SLC6A11: variants seen among roughly 807,000 people sequenced by gnomAD.
SLC6A11 encodes solute carrier family 6 member 11, also known as sodium- and chloride-dependent GABA transporter 3.
In SLC6A11, 25 loss-of-function variants were observed where a neutral mutation model predicts 74.8. The ratio of observed to expected loss-of-function variants is 0.33; its 90% confidence interval spans 0.24 to 0.47. The LOEUF is 0.47. Ranked by LOEUF, SLC6A11 falls within the 20% of genes least tolerant of loss-of-function variation. SLC6A11 has a pLI of 1.00. For synonymous variants in SLC6A11, 330 were observed against 330.2 expected (o/e 1.00, Z 0.01); for missense variants, 574 against 837.0 (o/e 0.69, Z 3.88).
intron 4 of SLC6A11, among the ~76,000 whole-genome samples, chr3:10,836,018 A>G (rs546132829): frequency 3.9e-5 from 6 of 152,184 alleles, no homozygotes; most frequent in African/African-American, 1.4e-4. Context: ...CCCATTCACC[A>G]TTAATCTCCA....
chr3:10,927,296 GC>G (rs1208546487), intron 9 of SLC6A11, among the ~76,000 whole-genome samples: 1 of 152,194 alleles, frequency 6.6e-6, no homozygotes, highest in Admixed American at 6.5e-5. Context: ...AGGGGCTGGG[GC>G]CCCGGCTCGG....
At chr3:10,905,129 T>G (rs973116140) in intron 6 of SLC6A11, among the ~76,000 whole-genome samples, 1 of 152,230 alleles carries the variant, frequency 6.6e-6, no homozygotes, top group Non-Finnish European at 1.5e-5. Flanking sequence ...GCTTGTGGAA[T>G]TTTTAGTTGA....
chr3:10,908,234 A>C (rs1695335873), intron 6 of SLC6A11, among the ~76,000 whole-genome samples: 2 of 152,238 alleles, frequency 1.3e-5, no homozygotes, highest in Non-Finnish European at 2.9e-5. Context: ...GAAAAGTATA[A>C]AAAGTTTACA....
At chr3:10,933,857 T>G in intron 11 of SLC6A11, 1 of 479,350 alleles carries the variant, frequency 2.1e-6, no homozygotes, top group Non-Finnish European at 3.8e-6. Context: ...GAGAGCTCTC[T>G]CCAGTAGTGG....
intron 5 of SLC6A11, among the ~76,000 whole-genome samples, chr3:10,860,995 C>T (rs1405870100): frequency 1.3e-5 from 2 of 152,102 alleles, no homozygotes; most frequent in African/African-American, 2.4e-5. Flanking sequence ...ATTGGTGGCT[C>T]CTAAACCCAT....
intron 8 of SLC6A11, among the ~76,000 whole-genome samples, chr3:10,924,582 G>A (rs1473609562): frequency 1.3e-5 from 2 of 151,956 alleles, no homozygotes; most frequent in East Asian, 3.9e-4. Context: ...GAAAATATTT[G>A]TAATAACTCC....
intron 8 of SLC6A11, among the ~76,000 whole-genome samples, chr3:10,919,089 C>T (rs1187543210): frequency 6.6e-6 from 1 of 152,120 alleles, no homozygotes; most frequent in African/African-American, 2.4e-5. Context: ...GAGAGCACCT[C>T]TCCCTCCCTC....
intron 5 of SLC6A11, among the ~76,000 whole-genome samples, chr3:10,873,631 TGTCCTGTCCTGTCCTGTCC>T (rs1694865514): frequency 6.7e-6 from 1 of 150,208 alleles, no homozygotes; most frequent in African/African-American, 2.5e-5. Context: ...TATCCTATCC[TGTCCTGTCCTGTCCTGTCC>T]ATCTATCCCG....
At chr3:10,888,758 G>T (rs1305849148) in intron 6 of SLC6A11, among the ~76,000 whole-genome samples, 1 of 152,186 alleles carries the variant, frequency 6.6e-6, no homozygotes, top group Non-Finnish European at 1.5e-5. Flanking sequence ...GCACAAAAGA[G>T]GAACAACCAA....
intron 5 of SLC6A11, among the ~76,000 whole-genome samples, chr3:10,862,450 A>G (rs933568083): frequency 4.6e-5 from 7 of 152,186 alleles, no homozygotes; most frequent in African/African-American, 1.7e-4. Flanking sequence ...AGACTCCCTC[A>G]TCGAGTGAAT....
intron 4 of SLC6A11, among the ~76,000 whole-genome samples, chr3:10,843,777 G>A (rs1222567551): frequency 1.3e-5 from 2 of 152,164 alleles, no homozygotes; most frequent in African/African-American, 2.4e-5. Flanking sequence ...GTTTCTGGAA[G>A]CTTCTATCTG....
At chr3:10,880,720 A>G (rs977156077) in intron 6 of SLC6A11, among the ~76,000 whole-genome samples, 15 of 151,980 alleles carry the variant, frequency 9.9e-5, no homozygotes, top group African/African-American at 3.4e-4. Flanking sequence ...AGGGGGTGAA[A>G]TGAGCACTTG....
intron 7 of SLC6A11, among the ~76,000 whole-genome samples, chr3:10,912,778 C>T (rs553077559): frequency 4.9e-4 from 75 of 152,100 alleles, no homozygotes; most frequent in African/African-American, 1.7e-3. Flanking sequence ...AAGGCTGAGT[C>T]GTGGAGGGCA....
intron 5 of SLC6A11, among the ~76,000 whole-genome samples, chr3:10,852,106 A>G (rs987052392): frequency 3.3e-5 from 5 of 152,372 alleles, no homozygotes; most frequent in Non-Finnish European, 7.3e-5. Flanking sequence ...CAGGAAAGGA[A>G]CTGAGAGCGC....
chr3:10,897,696 A>G (rs1695187283), intron 6 of SLC6A11, among the ~76,000 whole-genome samples: 1 of 152,190 alleles, frequency 6.6e-6, no homozygotes, highest in Non-Finnish European at 1.5e-5. Context: ...GTTGAGTGTC[A>G]GCAACTTTTC....
intron 4 of SLC6A11, among the ~76,000 whole-genome samples, chr3:10,831,692 C>G (rs1005093848): frequency 2.0e-5 from 3 of 152,122 alleles, no homozygotes; most frequent in African/African-American, 7.2e-5. Context: ...AAACTAGGAA[C>G]ATGATTATTT....
rs149651031 is a variant in SLC6A11 at position 10,928,746 on chromosome 3, A to G, written c.1234-456A>G. Among the ~76,000 whole-genome samples the G allele has an allele frequency of 1.5e-3, 223 of 152,224 alleles. 5 individuals are homozygous for G. In the East Asian group the frequency reaches 0.035, roughly 24 times the overall value. ...CGTCCCAACCCCGGAGACCACAGAG[A>G]CAGACCAGAGCCTGCCATCAGCAGA... On this transcript the variant is annotated intron_variant, in intron 9 of 13. Coordinates refer to ENST00000254488, the MANE Select transcript of SLC6A11 (RefSeq NM_014229.3).
intron 4 of SLC6A11, among the ~76,000 whole-genome samples, chr3:10,832,334 G>A (rs1694308551): frequency 6.6e-6 from 1 of 152,022 alleles, no homozygotes; most frequent in African/African-American, 2.4e-5. Flanking sequence ...AGGGTTTGGG[G>A]GAGCAGGAGG....
At chr3:10,883,447 G>A (rs893352640) in intron 6 of SLC6A11, among the ~76,000 whole-genome samples, 1 of 152,132 alleles carries the variant, frequency 6.6e-6, no homozygotes, top group Admixed American at 6.5e-5. Context: ...GATCCAAATG[G>A]TGGGGTCTGC....
Sources: gnomAD v4.1 joint callset for allele counts (sites outside exome capture counted in the v4.1 genomes callset) on GRCh38, gnomAD v4.1.1 for gene constraint, MANE v1.5 for transcripts, NCBI Gene and HGNC (gene_info 2026-07-23, HGNC 2026-07-21) for gene names.